The following MAGI1 variants were observed in gnomAD, a reference collection of about 807,000 sequenced individuals.
The protein encoded by MAGI1 is membrane-associated guanylate kinase, WW and PDZ domain-containing protein 1.
MAGI1 carries 58 observed loss-of-function variants against 139.9 expected under a neutral mutation model. The ratio of observed to expected loss-of-function variants is 0.41; its 90% CI spans 0.34 to 0.52. The LOEUF is 0.52. Ranked by LOEUF, MAGI1 falls within the 20% of genes least tolerant of loss-of-function variation. MAGI1 has a pLI of 0.12. For synonymous variants in MAGI1, 812 were observed against 737.9 expected (o/e 1.10, Z -1.63); for missense variants, 1,874 against 1,901.6 (o/e 0.99, Z 0.27).
chr3:65,787,464 T>C (rs1426359170), intron 1 of MAGI1, among the ~76,000 whole-genome samples: 2 of 151,338 alleles, frequency 1.3e-5, no homozygotes, highest in East Asian at 1.9e-4. Flanking sequence ...AAACTTTAAA[T>C]AGAATGCCAA....
chr3:65,798,581 T>C (rs1226456834), intron 1 of MAGI1, among the ~76,000 whole-genome samples: 1 of 152,136 alleles, frequency 6.6e-6, no homozygotes, highest in Non-Finnish European at 1.5e-5. Context: ...CTGGGTTTCC[T>C]TAAACTTCGC....
intron 2 of MAGI1, among the ~76,000 whole-genome samples, chr3:65,588,460 T>C (rs987564262): frequency 6.6e-6 from 1 of 152,120 alleles, no homozygotes; most frequent in Admixed American, 6.6e-5. Flanking sequence ...AAAAGGCACA[T>C]TAAAACAATG....
intron 1 of MAGI1, among the ~76,000 whole-genome samples, chr3:65,723,833 G>C (rs1449825782): frequency 1.3e-5 from 2 of 152,170 alleles, no homozygotes; most frequent in African/African-American, 4.8e-5. Flanking sequence ...AATTATATAG[G>C]AGGGTCTCAT....
rs149985814 is a variant in MAGI1 at position 65,508,085 on chromosome 3, T to A, written c.431-14454A>T. Among the ~76,000 whole-genome samples, 3 of 152,254 alleles carry A rather than the reference T, an allele frequency of 2.0e-5. No individual in the cohort carries two copies. The East Asian group carries it at 5.8e-4, about 29-fold the overall frequency. On this transcript the variant is annotated intron_variant, in intron 2 of 22. Coordinates refer to ENST00000402939, the MANE Select transcript of MAGI1 (RefSeq NM_001033057.2). Reference sequence around the variant, plus strand: ...ACTATATGAGGTATCAACGGTATTATCAGAAAAGTAGTGGCCAATTTTTAA... The same window carrying A: ...ACTATATGAGGTATCAACGGTATTAACAGAAAAGTAGTGGCCAATTTTTAA...
At chr3:65,646,056 A>G (rs927239007) in intron 1 of MAGI1, among the ~76,000 whole-genome samples, 19 of 152,136 alleles carry the variant, frequency 1.2e-4, no homozygotes, top group African/African-American at 4.3e-4. Flanking sequence ...TAACATGTCC[A>G]TAATTACATG....
At chr3:65,987,003 T>G (rs57760379) in intron 1 of MAGI1, among the ~76,000 whole-genome samples, 14,832 of 151,992 alleles carry the variant, frequency 0.098, 932 homozygotes, top group East Asian at 0.25. Context: ...CCAGAGTAGC[T>G]GGGACTACAG....
intron 18 of MAGI1, 66 bp from the exon 19 acceptor site, chr3:65,365,012 G>A (rs1941274202): frequency 1.6e-6 from 2 of 1,270,676 alleles, no homozygotes; most frequent in South Asian, 1.2e-5. Context: ...GCCAGGAGGT[G>A]TGCAGAAGCC....
chr3:65,411,942 A>G (rs562846601), intron 12 of MAGI1, among the ~76,000 whole-genome samples: 2 of 152,248 alleles, frequency 1.3e-5, no homozygotes, highest in Admixed American at 6.5e-5. Context: ...AGATGACCAC[A>G]TGAGTCCAGA....
At chr3:65,950,231 C>T (rs983218160) in intron 1 of MAGI1, among the ~76,000 whole-genome samples, 4 of 151,096 alleles carry the variant, frequency 2.6e-5, no homozygotes, top group African/African-American at 9.7e-5. Context: ...GTAGACTAGA[C>T]CACCCAAGTG....
chr3:65,771,472 T>C (rs1464690103), intron 1 of MAGI1, among the ~76,000 whole-genome samples: 1 of 152,178 alleles, frequency 6.6e-6, no homozygotes, highest in African/African-American at 2.4e-5. Flanking sequence ...AACATAGAGA[T>C]ATTTTATTTC....
chr3:65,447,424 A>G (rs1373662712), intron 7 of MAGI1, among the ~76,000 whole-genome samples: 2 of 152,194 alleles, frequency 1.3e-5, no homozygotes, highest in South Asian at 2.1e-4. Flanking sequence ...TCTAAGGCAA[A>G]CAGTACATAC....
At chr3:65,812,423 T>A (rs1294486777) in intron 1 of MAGI1, among the ~76,000 whole-genome samples, 1 of 149,136 alleles carries the variant, frequency 6.7e-6, no homozygotes, top group East Asian at 2.0e-4. Context: ...ATTTTATAAT[T>A]TTATAAAATC....
chr3:65,816,604 T>G (rs1464339974), intron 1 of MAGI1, among the ~76,000 whole-genome samples: 1 of 151,266 alleles, frequency 6.6e-6, no homozygotes, highest in Non-Finnish European at 1.5e-5. Context: ...TGGAGCTTTG[T>G]TAACAAGTCA....
intron 2 of MAGI1, among the ~76,000 whole-genome samples, chr3:65,590,225 T>C (rs1576410942): frequency 6.6e-6 from 1 of 152,162 alleles, no homozygotes; most frequent in East Asian, 1.9e-4. Flanking sequence ...CATGTGACGG[T>C]GGGATGTCAT....
In MAGI1 at chr3:65,478,662, T is replaced by C. The variant is rs1170467149; in HGVS notation, c.687A>G (p.Gln229=). The C allele has an allele frequency of 5.0e-6, 8 of 1,613,994 alleles. No individual in the cohort carries two copies. Among genetic ancestry groups the C allele is most frequent in the African/African-American group, 4.0e-5 (3 of 74,920 alleles). Residue 229 remains glutamine, a synonymous_variant, in exon 4 of 23, where the codon CAA becomes CAG. Coordinates refer to ENST00000402939, the MANE Select transcript of MAGI1 (RefSeq NM_001033057.2). ...PKRTKSYNDM[Q]NAGIVHAENE... is the part of the protein sequence containing the mutation. ...TCTCCGCGTGGACTATGCCAGCATT[T>C]TGCATATCATTGTAGGACTTGGTTC...
At chr3:65,700,960 C>T (rs924943023) in intron 1 of MAGI1, among the ~76,000 whole-genome samples, 2 of 152,122 alleles carry the variant, frequency 1.3e-5, no homozygotes, top group Non-Finnish European at 2.9e-5. Flanking sequence ...AGGCTGGGAC[C>T]CCCAAATCAC....
At chr3:65,442,045 T>G (rs757593827) in intron 8 of MAGI1, among the ~76,000 whole-genome samples, 6 of 151,674 alleles carry the variant, frequency 4.0e-5, no homozygotes, top group Non-Finnish European at 7.4e-5. Context: ...ATTAGTTACC[T>G]CTCATTTTTC....
intron 1 of MAGI1, among the ~76,000 whole-genome samples, chr3:65,911,321 GAA>G (rs1026112059): frequency 6.6e-6 from 1 of 151,920 alleles, no homozygotes; most frequent in Non-Finnish European, 1.5e-5. Flanking sequence ...ATCTCAAGCA[GAA>G]AAAGACAGAA....
chr3:65,565,212 C>T (rs1274100240), intron 2 of MAGI1, among the ~76,000 whole-genome samples: 1 of 152,168 alleles, frequency 6.6e-6, no homozygotes, highest in African/African-American at 2.4e-5. Flanking sequence ...TTTTTCCATT[C>T]CCTTTTCTTC....
Sources: allele counts gnomAD v4.1 joint callset (sites outside exome capture counted in the v4.1 genomes callset), GRCh38; gene constraint gnomAD v4.1.1; transcripts MANE v1.5; gene names NCBI Gene and HGNC (gene_info 2026-07-23, HGNC 2026-07-21).